The following CXCL13 variants were observed in gnomAD, a reference collection of about 807,000 sequenced individuals.
CXCL13 encodes C-X-C motif chemokine ligand 13.
A neutral mutation model predicts 12.2 loss-of-function variants in CXCL13; 7 were observed. The observed-to-expected ratio is 0.57, with a 90% CI of 0.33 to 1.07. The LOEUF (loss-of-function observed/expected upper bound fraction) is 1.07. Among genes scored for constraint, CXCL13 ranks in the 50% least tolerant of loss-of-function variants. CXCL13 has a pLI of 0.04. For missense variants in CXCL13, 113 were observed against 127.4 expected, an observed-to-expected ratio of 0.89 and a Z score of 0.55; for synonymous variants, 47 against 42.4, an observed-to-expected ratio of 1.11 and a Z score of -0.42.
intron 1 of CXCL13, among the ~76,000 whole-genome samples, chr4:77,547,716 C>T (rs1300097284): frequency 1.3e-5 from 2 of 152,104 alleles, no homozygotes; most frequent in African/African-American, 4.8e-5. Flanking sequence ...TTAAATTGGG[C>T]ATTTAGTCCA....
At chr4:77,534,941 G>T (rs376571348) in intron 1 of CXCL13, among the ~76,000 whole-genome samples, 1 of 152,122 alleles carries the variant, frequency 6.6e-6, no homozygotes, top group Non-Finnish European at 1.5e-5. Flanking sequence ...TACCTTTCTG[G>T]CATTACAACA....
intron 1 of CXCL13, among the ~76,000 whole-genome samples, chr4:77,596,790 AAAAAAAAAAAAAAG>A (rs1354109185): frequency 6.8e-6 from 1 of 147,428 alleles, no homozygotes; most frequent in Non-Finnish European, 1.5e-5. Flanking sequence ...TGTCTCAAAA[AAAAAAAAAAAAAAG>A]AAAAGAAAAA....
chr4:77,568,028 C>A (rs1375750258), intron 1 of CXCL13, among the ~76,000 whole-genome samples: 2 of 152,196 alleles, frequency 1.3e-5, no homozygotes, highest in African/African-American at 2.4e-5. Context: ...TGAATTCCTT[C>A]CTTCATGAAG....
chr4:77,515,350 A>G (rs1037607239), intron 1 of CXCL13, among the ~76,000 whole-genome samples: 2 of 152,048 alleles, frequency 1.3e-5, no homozygotes, highest in Non-Finnish European at 2.9e-5. Context: ...GAAGAAAGTC[A>G]TTGGTAGCTT....
chr4:77,556,330 G>A (rs568832222), intron 1 of CXCL13, among the ~76,000 whole-genome samples: 269 of 125,158 alleles, frequency 2.1e-3, no homozygotes, highest in African/African-American at 7.6e-3. Flanking sequence ...CTGAGTGAAG[G>A]AAGCCAGACA....
At position 77,607,812 on chromosome 4, in the gene CXCL13, T is replaced by C; in HGVS notation, c.174T>C (p.Asn58=). 6.2e-7 allele frequency: 1 copy of C among 1,614,062 alleles called. No homozygotes were observed. The highest frequency in any genetic ancestry group is 1.7e-4 in the Middle Eastern group (1 of 6,060). Residue 58 remains asparagine (N), a synonymous_variant, in exon 2 of 4, where the codon AAT becomes AAC. Coordinates refer to ENST00000682537, the MANE Select transcript of CXCL13 (RefSeq NM_001371558.1). ...GAATTCAAATCTTGCCCCGTGGGAA[T>C]GGTTGTCCAAGAAAAGAAATCATGT... ...IDRIQILPRG[N]GCPRKEIIVW... is the part of the protein sequence containing the mutation.
Position 77,598,226 on chromosome 4 carries a change from C to T in CXCL13, c.-42-7598C>T, listed in dbSNP as rs140947969. ...TCCTGTGGTAGCAGCTGAAGATTTG[C>T]GGAAGCCGTTGGTTCAGAATCGAGT... is the stretch of plus-strand genomic sequence containing the variant. On this transcript the variant is annotated intron_variant, in intron 1 of 4. Coordinates refer to the CXCL13 transcript ENST00000286758. Among the ~76,000 whole-genome samples the T allele has an allele frequency of 1.5e-4, 23 of 152,286 alleles. 1 individual carries two copies. The highest frequency in any genetic ancestry group is 6.2e-4 in the South Asian group (3 of 4,830).
intron 2 of CXCL13, among the ~76,000 whole-genome samples, chr4:77,609,401 C>T (rs1459039017): frequency 6.6e-6 from 1 of 152,068 alleles, no homozygotes; most frequent in East Asian, 1.9e-4. Context: ...CAGCCTCAAC[C>T]TCCTGGGTTC....
chr4:77,544,566 A>T (rs1578046216), intron 1 of CXCL13, among the ~76,000 whole-genome samples: 1 of 152,096 alleles, frequency 6.6e-6, no homozygotes, highest in Non-Finnish European at 1.5e-5. Context: ...GTCTGTTCAT[A>T]TTCTTTGCCC....
chr4:77,518,301 T>C (rs1377186056), intron 1 of CXCL13, among the ~76,000 whole-genome samples: 1 of 152,186 alleles, frequency 6.6e-6, no homozygotes, highest in Non-Finnish European at 1.5e-5. Flanking sequence ...AGGAGTATCT[T>C]TGTGGCGTTC....
chr4:77,584,239 A>G (rs1726401042), intron 1 of CXCL13, among the ~76,000 whole-genome samples: 1 of 152,172 alleles, frequency 6.6e-6, no homozygotes, highest in Admixed American at 6.5e-5. Context: ...TTGTATCCCA[A>G]CCACTGATGA....
At chr4:77,569,321 A>G (rs551998040) in intron 1 of CXCL13, among the ~76,000 whole-genome samples, 2 of 152,338 alleles carry the variant, frequency 1.3e-5, no homozygotes, top group African/African-American at 4.8e-5. Flanking sequence ...GAGGAAGTCA[A>G]ACTATCCCTG....
At chr4:77,599,756 C>A (rs927436257) in intron 1 of CXCL13, among the ~76,000 whole-genome samples, 1 of 152,148 alleles carries the variant, frequency 6.6e-6, no homozygotes. Flanking sequence ...ACAGCAAAGA[C>A]ACAAACAGCT....
At chr4:77,514,906 T>C (rs1160983224) in intron 1 of CXCL13, among the ~76,000 whole-genome samples, 2 of 152,132 alleles carry the variant, frequency 1.3e-5, no homozygotes, top group Non-Finnish European at 2.9e-5. Flanking sequence ...AATGGTAATG[T>C]CTAGGTTTTC....
intron 1 of CXCL13, among the ~76,000 whole-genome samples, chr4:77,543,138 G>A (rs1296158945): frequency 6.6e-6 from 1 of 152,066 alleles, no homozygotes. Flanking sequence ...ATATTTTCTA[G>A]TCTGTATGCA....
intron 1 of CXCL13, among the ~76,000 whole-genome samples, chr4:77,546,209 C>A (rs1016937730): frequency 6.6e-6 from 1 of 152,086 alleles, no homozygotes; most frequent in African/African-American, 2.4e-5. Flanking sequence ...CTAAAATTCT[C>A]TTTTTTTGTT....
chr4:77,534,813 C>A (rs1447319796), intron 1 of CXCL13, among the ~76,000 whole-genome samples: 1 of 152,160 alleles, frequency 6.6e-6, no homozygotes, highest in Non-Finnish European at 1.5e-5. Flanking sequence ...GCTTCAGGAC[C>A]TCCTCTTTGC....
chr4:77,534,787 G>T (rs1405195652), intron 1 of CXCL13, among the ~76,000 whole-genome samples: 1 of 152,150 alleles, frequency 6.6e-6, no homozygotes, highest in Non-Finnish European at 1.5e-5. Context: ...AAATGTTGGG[G>T]TTGGACCATA....
intron 1 of CXCL13, among the ~76,000 whole-genome samples, chr4:77,594,608 G>A (rs1200803889): frequency 2.0e-5 from 3 of 152,280 alleles, no homozygotes; most frequent in African/African-American, 4.8e-5. Context: ...AGCTGGGCAG[G>A]TCCAGGGGCA....
Sources: allele counts gnomAD v4.1 joint callset (sites outside exome capture counted in the v4.1 genomes callset), GRCh38; gene constraint gnomAD v4.1.1; transcripts MANE v1.5; gene names NCBI Gene and HGNC (gene_info 2026-07-23, HGNC 2026-07-21).